Variants in IQCE observed in about 807,000 individuals in gnomAD.
The protein encoded by IQCE is IQ domain-containing protein E.
A neutral mutation model predicts 96.0 loss-of-function variants in IQCE; 115 were observed. The ratio of observed to expected loss-of-function variants is 1.20; its 90% CI spans 1.03 to 1.40. The LOEUF (loss-of-function observed/expected upper bound fraction) is 1.40, where lower values mean the gene tolerates loss of function less well. Ranked by LOEUF, IQCE falls within the 40% of genes most tolerant of loss-of-function variation. IQCE has a pLI of 0.00. For missense variants in IQCE, 1,041 were observed against 909.1 expected, an observed-to-expected ratio of 1.15 and a Z score of -1.87; for synonymous variants, 412 against 371.2, an observed-to-expected ratio of 1.11 and a Z score of -1.26.
intron 16 of IQCE, among the ~76,000 whole-genome samples, 184 bp downstream of exon 16, chr7:2,595,160 T>C (rs995293948): frequency 6.6e-6 from 1 of 152,232 alleles, no homozygotes; most frequent in Non-Finnish European, 1.5e-5. Flanking sequence ...TTGGATTAAT[T>C]GACTGTCAGC....
chr7:2,567,766 C>T (rs996344592), intron 2 of IQCE, among the ~76,000 whole-genome samples: 5 of 152,220 alleles, frequency 3.3e-5, no homozygotes, highest in Admixed American at 6.5e-5. Flanking sequence ...AGAACGAACC[C>T]GGCACCAGCA....
chr7:2,584,817 C>T (rs1271737285), intron 11 of IQCE, among the ~76,000 whole-genome samples: 1 of 152,194 alleles, frequency 6.6e-6, no homozygotes, highest in African/African-American at 2.4e-5. Flanking sequence ...TTTCCTTTTT[C>T]TTTACCCCTA....
rs1281037828 is a variant in IQCE at position 2,612,884 on chromosome 7, T to TC, written c.*2725dup. The stretch of plus-strand genomic sequence containing the variant: ...GGCAGGGCCTAGGAAAGTAGACAAC[T>TC]CCCGGGGGAGACGAAGTAGAGAGTG... On this transcript the variant is annotated 3_prime_UTR_variant, in exon 22 of 22. Coordinates refer to ENST00000402050, the MANE Select transcript of IQCE (RefSeq NM_152558.5). The TC allele has an allele frequency of 6.6e-6, 1 of 151,998 alleles. No individual in the cohort carries two copies. The highest frequency in any genetic ancestry group is 2.4e-5 in the African/African-American group (1 of 41,316). The allele number at this position is 151,998 out of a possible 1,614,324, so 9.4% of individuals were successfully genotyped here.
chr7:2,596,310 TAGA>T (rs1784034559), intron 16 of IQCE, among the ~76,000 whole-genome samples: 1 of 144,614 alleles, frequency 6.9e-6, no homozygotes, highest in South Asian at 2.2e-4. Flanking sequence ...GGTCTGAAAA[TAGA>T]GGAGAGAGAG....
At chr7:2,606,562 G>A (rs547001064) in intron 20 of IQCE, among the ~76,000 whole-genome samples, 43 of 152,132 alleles carry the variant, frequency 2.8e-4, no homozygotes, top group Non-Finnish European at 4.9e-4. Context: ...GCTTCACCCC[G>A]CATGGGGTTT....
intron 8 of IQCE, among the ~76,000 whole-genome samples, chr7:2,581,414 C>T (rs1782654455): frequency 6.6e-6 from 1 of 151,996 alleles, no homozygotes; most frequent in African/African-American, 2.4e-5. Context: ...CCATGTTGGC[C>T]AGGCTGGTCT....
chr7:2,602,082 T>TG (rs1784472645), intron 18 of IQCE: 2 of 154,256 alleles, frequency 1.3e-5, no homozygotes, highest in Admixed American at 1.3e-4. Flanking sequence ...GAACGAGTGG[T>TG]TACAGCCCGG....
chr7:2,561,922 C>T (rs892989441), intron 1 of IQCE, among the ~76,000 whole-genome samples: 1 of 152,164 alleles, frequency 6.6e-6, no homozygotes, highest in African/African-American at 2.4e-5. Context: ...TGGCAAAAGA[C>T]TCAAGTATAA....
chr7:2,608,333 C>A (rs754928967), intron 21 of IQCE, among the ~76,000 whole-genome samples: 70 of 152,320 alleles, frequency 4.6e-4, no homozygotes, highest in Admixed American at 2.8e-3. Flanking sequence ...CGAGAGCCTT[C>A]CCTCCCCAGG....
Position 2,612,960 on chromosome 7 carries a change from C to A in IQCE, c.*2798C>A, listed in dbSNP as rs1213401668. ...CCAGCGTCAAGTGCCAAAGCAGGCC[C>A]CATCTACCACTTCAGGGTCGACGTT... On this transcript the variant is annotated 3_prime_UTR_variant, in exon 22 of 22. Transcript: ENST00000402050. The A allele has an allele frequency of 6.6e-6, 1 of 152,170 alleles. No homozygotes were observed. The highest frequency in any genetic ancestry group is 1.5e-5 in the Non-Finnish European group (1 of 68,028). The allele number at this position is 152,170 out of a possible 1,614,324, so 9.4% of individuals were successfully genotyped here.
chr7:2,595,091 C>G (rs777295845), intron 16 of IQCE, 115 bp downstream of exon 16: 88 of 732,794 alleles, frequency 1.2e-4, no homozygotes, highest in Non-Finnish European at 2.0e-4. Context: ...AAATCCCACT[C>G]CCCTTTATCA....
chr7:2,608,506 A>T (rs943991451), intron 21 of IQCE, among the ~76,000 whole-genome samples: 5 of 152,210 alleles, frequency 3.3e-5, no homozygotes, highest in Non-Finnish European at 2.9e-5. Flanking sequence ...TTCTCTCCAA[A>T]ACTTCCATTT....
At position 2,589,892 on chromosome 7, in the gene IQCE, C is replaced by G. The variant is rs1562656313; in HGVS notation, c.1045-15C>G. ...ATGAGAACTAGTATCTAACACATGT[C>G]TGTGTTGCCTCCAGAAACTAAGTGT... On this transcript the variant is annotated splice_polypyrimidine_tract_variant and intron_variant, in intron 13 of 21. Coordinates refer to ENST00000402050, the MANE Select transcript of IQCE (RefSeq NM_152558.5). The G allele has an allele frequency of 3.1e-6, 5 of 1,606,120 alleles. No homozygotes were observed. The highest frequency in any genetic ancestry group is 4.3e-6 in the Non-Finnish European group (5 of 1,173,248).
At position 2,593,204 on chromosome 7, in the gene IQCE, C is replaced by T. The variant is rs182395876; in HGVS notation, c.1349+78C>T. The stretch of plus-strand genomic sequence containing the variant: ...CTACCACTGCGGCCCCCCGTGGCGT[C>T]TCAGCCTTGCTGCCAGCCGGCTTCT... On this transcript the variant is annotated intron_variant, in intron 15 of 21. Transcript: ENST00000402050. 3.3e-6 allele frequency: 5 copies of T among 1,502,786 alleles called. No homozygotes were observed. In the African/African-American group the frequency reaches 6.9e-5, roughly 21 times the overall value. The allele number at this position is 1,502,786 out of a possible 1,614,324, so 93.1% of individuals were successfully genotyped here.
chr7:2,561,589 T>G (rs1780965124), intron 1 of IQCE, among the ~76,000 whole-genome samples: 1 of 151,904 alleles, frequency 6.6e-6, no homozygotes, highest in Non-Finnish European at 1.5e-5. Context: ...CCCGGCTAAT[T>G]TTTTTGTATT....
chr7:2,600,420 G>T (rs1187130434), intron 17 of IQCE, among the ~76,000 whole-genome samples: 2 of 152,242 alleles, frequency 1.3e-5, no homozygotes, highest in African/African-American at 4.8e-5. Flanking sequence ...CTGGCCGGCA[G>T]TCTACAGGGG....
chr7:2,588,867 T>C (rs1310219533), intron 13 of IQCE, among the ~76,000 whole-genome samples: 1 of 151,704 alleles, frequency 6.6e-6, no homozygotes, highest in Non-Finnish European at 1.5e-5. Flanking sequence ...GGTTTCACCA[T>C]GTTGGCCAGA....
chr7:2,564,456 GGGCGT>G (rs1781212096), intron 1 of IQCE, among the ~76,000 whole-genome samples: 1 of 151,844 alleles, frequency 6.6e-6, no homozygotes, highest in Non-Finnish European at 1.5e-5. Context: ...ACAATTATCC[GGGCGT>G]GGTGGCGGCA....
chr7:2,587,941 TCA>T (rs1783253506), intron 13 of IQCE, 64 bp downstream of exon 13: 4 of 1,473,572 alleles, frequency 2.7e-6, no homozygotes, highest in Non-Finnish European at 3.8e-6. Flanking sequence ...GGGGACGGGC[TCA>T]CAGGGTGCGG....
Sources: allele counts gnomAD v4.1 joint callset (sites outside exome capture counted in the v4.1 genomes callset), GRCh38; gene constraint gnomAD v4.1.1; transcripts MANE v1.5; gene names NCBI Gene and HGNC (gene_info 2026-07-23, HGNC 2026-07-21).